Variants in DMXL1 observed in about 807,000 individuals in gnomAD.
DMXL1 encodes the protein Dmx like 1.
In DMXL1, 99 loss-of-function variants were observed where a neutral mutation model predicts 319.2. The observed-to-expected ratio is 0.31, with a 90% CI of 0.26 to 0.37. DMXL1 has a LOEUF of 0.37. Among genes scored for constraint, DMXL1 ranks in the 10% least tolerant of loss-of-function variants. DMXL1 has a pLI of 1.00. For missense variants in DMXL1, 3,745 were observed against 3,595.6 expected, an observed-to-expected ratio of 1.04 and a Z score of -1.06; for synonymous variants, 1,385 against 1,235.2, an observed-to-expected ratio of 1.12 and a Z score of -2.54.
rs1250197923 is a variant in DMXL1 at position 119,247,377 on chromosome 5, A to G, written c.*158A>G. The G allele has an allele frequency of 7.1e-6, 4 of 565,844 alleles. No individual in the cohort carries two copies. Among genetic ancestry groups the G allele is most frequent in the Non-Finnish European group, 1.2e-5 (4 of 322,794 alleles). 35.1% of individuals were successfully genotyped at this position (565,844 alleles called of 1,614,324 possible). On this transcript the variant is annotated 3_prime_UTR_variant, in exon 44 of 44. Coordinates refer to ENST00000539542, the MANE Select transcript of DMXL1 (RefSeq NM_001290321.3). ...CCCTTGATGCACTGATGCCTTAAAA[A>G]TTAACAAGGTCATTCAGAAGTAGAT...
chr5:119,127,304 G>A (rs1763813293), intron 9 of DMXL1: 1 of 216,520 alleles, frequency 4.6e-6, no homozygotes, highest in Admixed American at 4.3e-5. Context: ...AACTTCAATG[G>A]TAGTATTATT....
intron 38 of DMXL1, 86 bp from the exon 39 acceptor site, chr5:119,233,254 A>T (rs971728840): frequency 4.4e-6 from 6 of 1,373,494 alleles, no homozygotes; most frequent in Non-Finnish European, 5.0e-6. Flanking sequence ...TGTTTCTTTC[A>T]TAAAGATTTT....
At chr5:119,086,786 G>A (rs1753471867) in intron 1 of DMXL1, among the ~76,000 whole-genome samples, 1 of 150,608 alleles carries the variant, frequency 6.6e-6, no homozygotes, top group South Asian at 2.1e-4. Context: ...GTTGGTATTA[G>A]TTCTTTAAAT....
At chr5:119,103,069 C>G (rs895911982) in intron 3 of DMXL1, among the ~76,000 whole-genome samples, 2 of 150,678 alleles carry the variant, frequency 1.3e-5, no homozygotes, top group Non-Finnish European at 2.9e-5. Flanking sequence ...ACTCCCAAAC[C>G]TAAAATTAAA....
At chr5:119,085,223 C>T (rs950623478) in intron 1 of DMXL1, among the ~76,000 whole-genome samples, 3 of 151,746 alleles carry the variant, frequency 2.0e-5, no homozygotes, top group South Asian at 2.1e-4. Context: ...CCTAGCTACT[C>T]GTGAGACTGA....
intron 37 of DMXL1, among the ~76,000 whole-genome samples, chr5:119,222,096 T>A (rs1784745007): frequency 6.6e-6 from 1 of 152,112 alleles, no homozygotes; most frequent in African/African-American, 2.4e-5. Context: ...TCAAGTAAAA[T>A]CTGAGTTATC....
chr5:119,157,800 G>A lies in DMXL1; in HGVS notation c.4702+5764G>A, dbSNP rs142525954. Among the ~76,000 whole-genome samples the A allele has an allele frequency of 3.4e-3, 513 of 151,904 alleles. 3 individuals carry two copies. Among genetic ancestry groups the A allele is most frequent in the African/African-American group, 0.012 (505 of 41,446 alleles). On this transcript the variant is annotated intron_variant, in intron 19 of 43. Transcript: ENST00000539542. Reference sequence around the variant, plus strand: ...CATCTCAAGTTTACTTTGAGTATTTGGTGTTTCTTGGTATTCCTAATGAAT... The same window carrying A: ...CATCTCAAGTTTACTTTGAGTATTTAGTGTTTCTTGGTATTCCTAATGAAT...
At chr5:119,181,813 A>AAAAAG (rs1277591470) in intron 28 of DMXL1, among the ~76,000 whole-genome samples, 1 of 152,138 alleles carries the variant, frequency 6.6e-6, no homozygotes, top group Non-Finnish European at 1.5e-5. Flanking sequence ...CTCCATCTCA[A>AAAAAG]AAAAGAAAAG....
intron 29 of DMXL1, among the ~76,000 whole-genome samples, chr5:119,190,877 G>C (rs974649253): frequency 6.6e-6 from 1 of 152,188 alleles, no homozygotes; most frequent in Non-Finnish European, 1.5e-5. Context: ...TATGTTGGAA[G>C]CTGATAAAAT....
intron 32 of DMXL1, among the ~76,000 whole-genome samples, chr5:119,202,784 G>A (rs1780943932): frequency 6.7e-6 from 1 of 150,164 alleles, no homozygotes; most frequent in Non-Finnish European, 1.5e-5. Flanking sequence ...CCAGGAGGTG[G>A]AGGTTGCAGT....
At chr5:119,074,438 T>C (rs558307727) in intron 1 of DMXL1, among the ~76,000 whole-genome samples, 1 of 152,318 alleles carries the variant, frequency 6.6e-6, no homozygotes, top group African/African-American at 2.4e-5. Flanking sequence ...TTGTAATTCC[T>C]CCCTTTGCAT....
intron 38 of DMXL1, among the ~76,000 whole-genome samples, chr5:119,231,268 T>G (rs944645847): frequency 1.1e-4 from 17 of 152,208 alleles, no homozygotes; most frequent in African/African-American, 3.4e-4. Flanking sequence ...ATAATGTTTA[T>G]GCATAAAATT....
intron 19 of DMXL1, among the ~76,000 whole-genome samples, chr5:119,155,962 A>G (rs1475142080): frequency 1.3e-5 from 2 of 152,098 alleles, no homozygotes; most frequent in Non-Finnish European, 2.9e-5. Flanking sequence ...ACAACAAAGG[A>G]TTTAGAATAG....
intron 3 of DMXL1, chr5:119,102,236 A>G (rs1380213759): frequency 6.2e-6 from 2 of 321,690 alleles, no homozygotes; most frequent in Non-Finnish European, 5.7e-6. Flanking sequence ...TATTTCTGAC[A>G]TTTTTAATTT....
chr5:119,121,543 A>C (rs1310538307), intron 9 of DMXL1, among the ~76,000 whole-genome samples: 1 of 152,020 alleles, frequency 6.6e-6, no homozygotes, highest in Non-Finnish European at 1.5e-5. Flanking sequence ...ACCGCCCTTA[A>C]TCCATTTAAC....
At chr5:119,076,902 A>C (rs1751006102) in intron 1 of DMXL1, among the ~76,000 whole-genome samples, 1 of 152,246 alleles carries the variant, frequency 6.6e-6, no homozygotes, top group African/African-American at 2.4e-5. Context: ...GTTTATTCTT[A>C]AAGTTGATAA....
intron 28 of DMXL1, among the ~76,000 whole-genome samples, chr5:119,180,637 T>C (rs1776613439): frequency 6.6e-6 from 1 of 152,228 alleles, no homozygotes; most frequent in South Asian, 2.1e-4. Flanking sequence ...TTCTGTTTTT[T>C]AAAAAGTTGT....
intron 1 of DMXL1, among the ~76,000 whole-genome samples, chr5:119,088,294 A>T (rs186426963): frequency 6.6e-6 from 1 of 152,268 alleles, no homozygotes; most frequent in East Asian, 1.9e-4. Context: ...TTTCAGTTGC[A>T]TGGAATATCT....
chr5:119,129,008 A>T (rs1388191321), intron 9 of DMXL1, among the ~76,000 whole-genome samples: 1 of 152,136 alleles, frequency 6.6e-6, no homozygotes, highest in Non-Finnish European at 1.5e-5. Context: ...CAGTAAGCCA[A>T]GATCACACCA....
Sources: gnomAD v4.1 joint callset for allele counts (sites outside exome capture counted in the v4.1 genomes callset) on GRCh38, gnomAD v4.1.1 for gene constraint, MANE v1.5 for transcripts, NCBI Gene and HGNC (gene_info 2026-07-23, HGNC 2026-07-21) for gene names.